The following GBP2 variants were observed in gnomAD, a reference collection of about 807,000 sequenced individuals.
GBP2 encodes guanylate-binding protein 2.
In GBP2, 54 loss-of-function variants were observed where a neutral mutation model predicts 60.8. The ratio of observed to expected loss-of-function variants is 0.89; its 90% confidence interval spans 0.71 to 1.11. The LOEUF is 1.11. Among genes scored for constraint, GBP2 ranks in the 50% most tolerant of loss-of-function variants. The probability of loss-of-function intolerance (pLI) is 0.00; values close to 1 mark genes in which losing one functional copy is unlikely to be tolerated. For missense variants in GBP2, 665 were observed against 703.3 expected, an observed-to-expected ratio of 0.95 and a Z score of 0.62; for synonymous variants, 243 against 256.5, an observed-to-expected ratio of 0.95 and a Z score of 0.50.
At position 89,121,236 on chromosome 1, in the gene GBP2, G is replaced by C. The variant is rs1335009784; in HGVS notation, c.225C>G (p.Thr75=). ...GCACACACCACATCCAGATTCCCTT[G>C]GTGTGAGACTTCACTGTGGAGCCTA... is the stretch of plus-strand genomic sequence containing the variant. The part of the protein sequence containing the change: ...FSLGSTVKSH[T]KGIWMWCVPH... Residue 75 remains threonine (T), a synonymous_variant, in exon 3 of 11, where the codon ACC becomes ACG. Coordinates refer to ENST00000370466, the MANE Select transcript of GBP2 (RefSeq NM_004120.5). 2.5e-6 allele frequency: 4 copies of C among 1,611,294 alleles called. No homozygotes were observed. The highest frequency in any genetic ancestry group is 3.4e-6 in the Non-Finnish European group (4 of 1,178,346).
In GBP2 at chr1:89,121,990, T is replaced by G; in HGVS notation, c.-17-7A>C. On this transcript the variant is annotated splice_polypyrimidine_tract_variant and splice_region_variant and intron_variant, in intron 1 of 10. Transcript: ENST00000370466. ...ATGTCCAGGGTGTTGTTCCCTTGTG[T>G]GCAAGGAAAAAGATGAAATGGAAAG... 1 of 1,570,666 alleles carries G rather than the reference T, an allele frequency of 6.4e-7. No homozygotes were observed. Among genetic ancestry groups the G allele is most frequent in the African/African-American group, 1.4e-5 (1 of 73,282 alleles).
intron 10 of GBP2, 43 bp downstream of exon 10, chr1:89,109,634 A>G (rs756205374): frequency 1.3e-6 from 2 of 1,569,714 alleles, no homozygotes; most frequent in Admixed American, 1.7e-5. Flanking sequence ...CATTTTCGAT[A>G]TGGGGCACTG....
At chr1:89,110,117 AT>A (rs753544245) in intron 9 of GBP2, 46 bp downstream of exon 9, 2 of 1,402,330 alleles carry the variant, frequency 1.4e-6, no homozygotes, top group East Asian at 4.6e-5. Context: ...GCTAACTAAC[AT>A]TTTGAGAGCT....
chr1:89,121,813 A>T lies in GBP2; in HGVS notation c.154T>A (p.Ser52Thr). 1 of 1,613,990 alleles carries T rather than the reference A, an allele frequency of 6.2e-7. No individual in the cohort carries two copies. Among genetic ancestry groups the T allele is most frequent in the East Asian group, 2.2e-5 (1 of 44,868 alleles). Residue 52 changes from serine to threonine, a missense_variant, in exon 2 of 11, where the codon TCC becomes ACC. By Grantham distance (58) the Ser-to-Thr change is moderately conservative. Transcript: ENST00000370466. ...AIVGLYRTGK[S>T]YLMNKLAGKK... ...CCAGCCAGCTTGTTCATCAGGTAGG[A>T]TTTGCCTGTGCGATAGAGGCCCACA...
At chr1:89,122,109 G>C (rs1456297545) in intron 1 of GBP2, 126 bp from the exon 2 acceptor site, 1 of 575,544 alleles carries the variant, frequency 1.7e-6, no homozygotes, top group Non-Finnish European at 2.9e-6. Context: ...GTTTTTTAAA[G>C]CCTGGTTTCT....
Position 89,114,173 on chromosome 1 carries a change from G to T in GBP2, c.992C>A (p.Ala331Asp), listed in dbSNP as rs145938232. 26 of 1,614,082 alleles carry T rather than the reference G, an allele frequency of 1.6e-5. No homozygotes were observed. Among genetic ancestry groups the T allele is most frequent in the South Asian group, 1.2e-4 (11 of 91,090 alleles). The change falls in exon 7 of 11, where the codon GCC becomes GAC. Residue 331 changes from alanine to aspartate, a missense_variant. Coordinates refer to ENST00000370466, the MANE Select transcript of GBP2 (RefSeq NM_004120.5). Reference sequence around the variant, plus strand: ...CTGGCCCATCTGCTGTTCATAGTGGGCAATAGCCTTTTCCACTGCGGCTGA... The same window carrying T: ...CTGGCCCATCTGCTGTTCATAGTGGTCAATAGCCTTTTCCACTGCGGCTGA... ...ENSAAVEKAIAHYEQQMGQKV... is the reference protein window; with the variant it reads ...ENSAAVEKAIDHYEQQMGQKV...
At chr1:89,120,631 C>A (rs1185807407) in intron 3 of GBP2, among the ~76,000 whole-genome samples, 1 of 152,126 alleles carries the variant, frequency 6.6e-6, no homozygotes, top group East Asian at 1.9e-4. Flanking sequence ...ATATTTTTTA[C>A]ACAGTAGTTA....
chr1:89,124,998 T>C (rs558465476), intron 1 of GBP2, among the ~76,000 whole-genome samples: 17 of 152,336 alleles, frequency 1.1e-4, no homozygotes, highest in Admixed American at 3.9e-4. Context: ...ATATACACAA[T>C]TGTAGGCATA....
At chr1:89,108,903 T>C (rs28631591) in intron 10 of GBP2, among the ~76,000 whole-genome samples, 2 of 45,724 alleles carry the variant, frequency 4.4e-5, no homozygotes, top group Non-Finnish European at 8.9e-5. Flanking sequence ...ATCTTTCTTT[T>C]TTTTTTTTTG....
At chr1:89,109,164 G>C (rs1270318524) in intron 10 of GBP2, among the ~76,000 whole-genome samples, 1 of 152,106 alleles carries the variant, frequency 6.6e-6, no homozygotes. Flanking sequence ...CAAAGTGCTA[G>C]GATTACAGGT....
At chr1:89,111,787 A>G (rs544963996) in intron 8 of GBP2, among the ~76,000 whole-genome samples, 2 of 152,334 alleles carry the variant, frequency 1.3e-5, no homozygotes, top group South Asian at 2.1e-4. Flanking sequence ...ACACTTTAAG[A>G]TAACTAAAAA....
Position 89,117,661 on chromosome 1 carries a change from TGA to T in GBP2, c.539_540del (p.Leu180GlnfsTer17), listed in dbSNP as rs776295815. 3 of 1,613,958 alleles carry T rather than the reference TGA, an allele frequency of 1.9e-6. No homozygotes were observed. Among genetic ancestry groups the T allele is most frequent in the South Asian group, 1.1e-5 (1 of 91,088 alleles). On this transcript the variant is annotated frameshift_variant, in exon 5 of 11. Transcript: ENST00000370466. LOFTEE classifies it high-confidence loss of function. Reference protein sequence around the residue: ...VSFFPAFVWTLRDFTLELEVD... With the variant: ...VSFFPAFVWTXRDFTLELEVD... ...ACTTCCAGTTCCAGGGTGAAATCTC[TGA>T]GAGTCCACACAAATGCTGGAAAAAA...
chr1:89,115,825 T>C (rs1681259245), intron 6 of GBP2, among the ~76,000 whole-genome samples: 1 of 152,100 alleles, frequency 6.6e-6, no homozygotes, highest in South Asian at 2.1e-4. Context: ...GGTCTTAAAC[T>C]TAAACTCCTG....
At chr1:89,113,571 C>T (rs763117329) in intron 7 of GBP2, among the ~76,000 whole-genome samples, 4 of 152,196 alleles carry the variant, frequency 2.6e-5, no homozygotes, top group Admixed American at 6.5e-5. Context: ...ACATTAAAAA[C>T]ATTCTCTAAT....
chr1:89,117,290 A>G (rs1320642985), intron 5 of GBP2, 56 bp from the exon 6 acceptor site: 3 of 1,429,058 alleles, frequency 2.1e-6, no homozygotes, highest in Non-Finnish European at 2.9e-6. Flanking sequence ...TTCAAATATG[A>G]TCTTTCAATT....
Position 89,109,775 on chromosome 1 carries a change from T to C in GBP2, c.1561A>G (p.Ser521Gly). 6.2e-7 allele frequency: 1 copy of C among 1,613,988 alleles called. No homozygotes were observed. The highest frequency in any genetic ancestry group is 8.5e-7 in the Non-Finnish European group (1 of 1,179,846). Residue 521 changes from serine to glycine, a missense_variant, in exon 10 of 11, where the codon AGT becomes GGT. Physicochemically the swap from Ser to Gly is moderately conservative, Grantham distance 56. Coordinates refer to ENST00000370466, the MANE Select transcript of GBP2 (RefSeq NM_004120.5). ...AATTGTTTCACATGTTCCTGATAAC[T>C]CTTCTCTTTCTGTTCCATCATCTCC... Reference protein sequence around the residue: ...NEEMMEQKEKSYQEHVKQLTE... With the variant: ...NEEMMEQKEKGYQEHVKQLTE...
intron 10 of GBP2, 82 bp downstream of exon 10, chr1:89,109,595 G>T: frequency 7.9e-7 from 1 of 1,261,970 alleles, no homozygotes; most frequent in East Asian, 2.3e-5. Flanking sequence ...AGTTTTTTTG[G>T]GAGGCATTAG....
chr1:89,125,487 A>G (rs1681500015), intron 1 of GBP2, among the ~76,000 whole-genome samples: 1 of 152,194 alleles, frequency 6.6e-6, no homozygotes, highest in Admixed American at 6.5e-5. Context: ...TAAGCTCCCT[A>G]ATTATAATAA....
intron 8 of GBP2, 51 bp from the exon 9 acceptor site, chr1:89,110,317 T>C: frequency 7.4e-7 from 1 of 1,360,540 alleles, no homozygotes; most frequent in Non-Finnish European, 1.0e-6. Context: ...GTGGGTTAGA[T>C]CCAGCAATCC....
Sources: allele counts gnomAD v4.1 joint callset (sites outside exome capture counted in the v4.1 genomes callset), GRCh38; gene constraint gnomAD v4.1.1; transcripts MANE v1.5; gene names NCBI Gene and HGNC (gene_info 2026-07-23, HGNC 2026-07-21).